Variants in TMEM132D observed in about 807,000 individuals in gnomAD.
TMEM132D encodes transmembrane protein 132D, also known as mature OL transmembrane protein.
A neutral mutation model predicts 62.3 loss-of-function variants in TMEM132D; 21 were observed. The ratio of observed to expected loss-of-function variants is 0.34; its 90% CI spans 0.24 to 0.49. TMEM132D has a LOEUF of 0.49. TMEM132D is among the 20% of genes least tolerant of loss of function. The probability of loss-of-function intolerance (pLI) is 0.99; values close to 1 mark genes in which losing one functional copy is unlikely to be tolerated. For missense variants in TMEM132D, 1,346 were observed against 1,402.8 expected, an observed-to-expected ratio of 0.96 and a Z score of 0.65; for synonymous variants, 621 against 575.6, an observed-to-expected ratio of 1.08 and a Z score of -1.13.
At chr12:129,809,105 C>T (rs1434850531) in intron 1 of TMEM132D, among the ~76,000 whole-genome samples, 4 of 152,032 alleles carry the variant, frequency 2.6e-5, no homozygotes, top group Non-Finnish European at 2.9e-5. Context: ...GTCAGGTGTT[C>T]GAGACCAGCC....
chr12:129,204,594 G>A (rs767007038), intron 5 of TMEM132D, among the ~76,000 whole-genome samples: 42 of 152,154 alleles, frequency 2.8e-4, no homozygotes, highest in Middle Eastern at 6.3e-3. Context: ...AAGCAACTTG[G>A]AAAACATATT....
intron 2 of TMEM132D, among the ~76,000 whole-genome samples, chr12:129,623,678 TATATATAC>T (rs1253184724): frequency 2.9e-5 from 4 of 136,596 alleles, no homozygotes; most frequent in Admixed American, 7.3e-5. Flanking sequence ...TATATACACA[TATATATAC>T]ATATATACAT....
chr12:129,695,556 A>G (rs1357403445), intron 2 of TMEM132D, among the ~76,000 whole-genome samples: 1 of 152,236 alleles, frequency 6.6e-6, no homozygotes, highest in Non-Finnish European at 1.5e-5. Context: ...TAATTTGAAT[A>G]CACCAACATC....
intron 2 of TMEM132D, among the ~76,000 whole-genome samples, chr12:129,540,975 T>C (rs1465040227): frequency 6.6e-6 from 1 of 152,224 alleles, no homozygotes; most frequent in Non-Finnish European, 1.5e-5. Context: ...TTTCATATAC[T>C]CTTCACCCAC....
intron 1 of TMEM132D, among the ~76,000 whole-genome samples, chr12:129,710,590 C>T (rs1414410786): frequency 6.9e-6 from 1 of 144,672 alleles, no homozygotes; most frequent in Non-Finnish European, 1.5e-5. Context: ...AGCACCGTGC[C>T]CCGCCGATTA....
chr12:129,400,314 G>C (rs987588495), intron 3 of TMEM132D, among the ~76,000 whole-genome samples: 1 of 152,146 alleles, frequency 6.6e-6, no homozygotes, highest in Admixed American at 6.5e-5. Context: ...GTATCTGCTA[G>C]GCCTGGCAAA....
At chr12:129,851,429 A>G (rs1873537301) in intron 1 of TMEM132D, among the ~76,000 whole-genome samples, 1 of 152,138 alleles carries the variant, frequency 6.6e-6, no homozygotes, top group Non-Finnish European at 1.5e-5. Flanking sequence ...AAGGTGCCAC[A>G]ATGTTGATTA....
intron 5 of TMEM132D, among the ~76,000 whole-genome samples, chr12:129,131,695 G>T (rs2135525363): frequency 6.6e-6 from 1 of 152,252 alleles, no homozygotes; most frequent in South Asian, 2.1e-4. Flanking sequence ...GTTGAGTAAA[G>T]CATAAAGAAA....
At chr12:129,663,138 C>CTT (rs1157754703) in intron 2 of TMEM132D, among the ~76,000 whole-genome samples, 2 of 145,594 alleles carry the variant, frequency 1.4e-5, no homozygotes, top group African/African-American at 2.5e-5. Context: ...AACGTCTGCC[C>CTT]TTTTTTTTTT....
chr12:129,278,902 G>A (rs1260484246), intron 4 of TMEM132D, among the ~76,000 whole-genome samples: 1 of 152,142 alleles, frequency 6.6e-6, no homozygotes, highest in Admixed American at 6.5e-5. Flanking sequence ...GCCTGGATGG[G>A]GCCAAGAATG....
intron 1 of TMEM132D, among the ~76,000 whole-genome samples, chr12:129,799,352 A>ATG (rs201579147): frequency 1.5e-4 from 22 of 143,462 alleles, no homozygotes; most frequent in African/African-American, 2.9e-4. Context: ...ATGTGTATAT[A>ATG]TGTGTGTGTG....
intron 1 of TMEM132D, among the ~76,000 whole-genome samples, chr12:129,823,922 C>T (rs775609723): frequency 1.2e-4 from 19 of 152,098 alleles, no homozygotes; most frequent in Non-Finnish European, 2.2e-4. Flanking sequence ...ATCTCATTCC[C>T]GTTAAAATAA....
At chr12:129,593,947 C>A (rs190414750) in intron 2 of TMEM132D, among the ~76,000 whole-genome samples, 8 of 152,232 alleles carry the variant, frequency 5.3e-5, no homozygotes, top group Admixed American at 3.9e-4. Context: ...CACATATCAT[C>A]CTGATATTAG....
intron 2 of TMEM132D, among the ~76,000 whole-genome samples, chr12:129,580,751 A>C (rs77519159): frequency 0.35 from 53,514 of 151,718 alleles, 10,091 homozygotes; most frequent in Non-Finnish European, 0.41. Flanking sequence ...ATAAATAAAT[A>C]AATAAATCAC....
At chr12:129,490,495 C>A (rs933676953) in intron 3 of TMEM132D, among the ~76,000 whole-genome samples, 10 of 128,674 alleles carry the variant, frequency 7.8e-5, no homozygotes, top group African/African-American at 2.9e-4. Context: ...GTGGCGCGAT[C>A]TCGGCTCACT....
chr12:129,776,160 A>C (rs1870914708), intron 1 of TMEM132D, among the ~76,000 whole-genome samples: 1 of 152,152 alleles, frequency 6.6e-6, no homozygotes, highest in Admixed American at 6.5e-5. Context: ...CATGAGAAAG[A>C]AGTCCAGAAT....
intron 4 of TMEM132D, among the ~76,000 whole-genome samples, chr12:129,281,106 T>G (rs560620252): frequency 4.3e-4 from 66 of 152,310 alleles, no homozygotes; most frequent in African/African-American, 1.5e-3. Flanking sequence ...CCTTCTTTGC[T>G]AATCAGAAAA....
At chr12:129,167,856 C>T (rs143287697) in intron 5 of TMEM132D, among the ~76,000 whole-genome samples, 25 of 152,054 alleles carry the variant, frequency 1.6e-4, no homozygotes, top group African/African-American at 6.0e-4. Context: ...AAAAGAACCA[C>T]ACTTTATTCG....
chr12:129,595,923 ATTATTGTTTGG>A (rs1565916876), intron 2 of TMEM132D, among the ~76,000 whole-genome samples: 1 of 152,178 alleles, frequency 6.6e-6, no homozygotes, highest in Non-Finnish European at 1.5e-5. Context: ...CTTATTCTAC[ATTATTGTTTGG>A]CCATATCCCA....
Sources: allele counts gnomAD v4.1 joint callset (sites outside exome capture counted in the v4.1 genomes callset), GRCh38; gene constraint gnomAD v4.1.1; transcripts MANE v1.5; gene names NCBI Gene and HGNC (gene_info 2026-07-23, HGNC 2026-07-21).